NAV3: variants seen among roughly 807,000 people sequenced by gnomAD.
The protein encoded by NAV3 is pore membrane and/or filament interacting like protein 1.
In NAV3, 87 loss-of-function variants were observed where a neutral mutation model predicts 244.7. That is an observed-to-expected ratio of 0.36 (90% CI 0.30 to 0.42). NAV3 has a LOEUF of 0.42. NAV3 is among the 20% of genes least tolerant of loss of function. The probability of loss-of-function intolerance (pLI) is 1.00; values close to 1 mark genes in which losing one functional copy is unlikely to be tolerated. For synonymous variants in NAV3, 1,126 were observed against 1,042.2 expected (o/e 1.08, Z -1.55); for missense variants, 2,663 against 2,893.3 (o/e 0.92, Z 1.83).
intron 2 of NAV3, among the ~76,000 whole-genome samples, chr12:77,771,136 T>G (rs1396465688): frequency 1.3e-5 from 2 of 152,108 alleles, no homozygotes; most frequent in Non-Finnish European, 2.9e-5. Flanking sequence ...AAGAAGACAT[T>G]TATGCAGCCA....
intron 2 of NAV3, among the ~76,000 whole-genome samples, chr12:77,584,231 A>G (rs895827489): frequency 5.9e-5 from 9 of 152,182 alleles, no homozygotes; most frequent in Admixed American, 5.9e-4. Context: ...TGCCTTGCAT[A>G]TGATACGTAC....
chr12:77,683,113 CTA>C (rs931518381), intron 2 of NAV3, among the ~76,000 whole-genome samples: 6 of 151,958 alleles, frequency 3.9e-5, no homozygotes, highest in Non-Finnish European at 8.8e-5. Flanking sequence ...AGCTTTTCTT[CTA>C]TGTTTTCTTC....
chr12:77,962,634 C>A (rs747792298), intron 3 of NAV3, among the ~76,000 whole-genome samples: 11 of 152,126 alleles, frequency 7.2e-5, no homozygotes, highest in Non-Finnish European at 1.5e-5. Flanking sequence ...CCACCTGCCA[C>A]GAACCCCACC....
chr12:78,030,065 G>C (rs551937561), intron 9 of NAV3, among the ~76,000 whole-genome samples: 47 of 152,234 alleles, frequency 3.1e-4, no homozygotes, highest in African/African-American at 1.0e-3. Flanking sequence ...AAACATAGGT[G>C]AATTTTGACT....
chr12:78,124,762 C>G (rs1297254426), intron 16 of NAV3, among the ~76,000 whole-genome samples: 1 of 151,924 alleles, frequency 6.6e-6, no homozygotes, highest in African/African-American at 2.4e-5. Flanking sequence ...CTGAAATAGG[C>G]CAATTTTTAA....
intron 2 of NAV3, among the ~76,000 whole-genome samples, chr12:77,732,039 A>C (rs1286132429): frequency 2.0e-5 from 3 of 151,916 alleles, no homozygotes; most frequent in African/African-American, 7.2e-5. Context: ...TAAGGCAAAA[A>C]CAAAACAAAA....
rs1388781889 is a variant in NAV3 at position 78,179,792 on chromosome 12, AATGTAC to A, written c.5517+111_5517+116del. On this transcript the variant is annotated intron_variant, in intron 29 of 39. Transcript: ENST00000397909. ...ATTCCACTTGGAAACCCACCTTAGAAATGTACTCTGTTTATTCAGTCTTTGCAACTC... is the reference window on the plus strand; with the variant it reads ...ATTCCACTTGGAAACCCACCTTAGAATCTGTTTATTCAGTCTTTGCAACTC... 2.5e-6 allele frequency: 3 copies of A among 1,203,916 alleles called. No homozygotes were observed. In the Admixed American group the frequency reaches 7.8e-5, roughly 31 times the overall value. 74.6% of individuals were successfully genotyped at this position (1,203,916 alleles called of 1,614,324 possible).
At chr12:77,757,810 T>C (rs571264049) in intron 2 of NAV3, among the ~76,000 whole-genome samples, 2 of 152,352 alleles carry the variant, frequency 1.3e-5, no homozygotes, top group East Asian at 3.9e-4. Context: ...CCTCAGACAT[T>C]AAATTGCATA....
rs138798588 is a variant in NAV3, at chr12:78,118,197, C to G, written c.2940C>G (p.Ser980=). Residue 980 remains serine (S), a synonymous_variant, in exon 14 of 40, where the codon TCC becomes TCG. Transcript: ENST00000397909. ...CCGAGAAGGCAGGGCAGAAAGCTTCCCTGTCTGTTTCACAGACAGGTTCCT... is the reference window on the plus strand; with the variant it reads ...CCGAGAAGGCAGGGCAGAAAGCTTCGCTGTCTGTTTCACAGACAGGTTCCT... ...EDPEKAGQKA[S]LSVSQTGSWR... 6.2e-4 allele frequency: 1,004 copies of G among 1,613,648 alleles called. 4 individuals are homozygous for G. The African/African-American group carries it at 0.012, about 19-fold the overall frequency.
chr12:77,843,192 C>G (rs2136185099), intron 1 of NAV3, among the ~76,000 whole-genome samples: 1 of 152,278 alleles, frequency 6.6e-6, no homozygotes, highest in Admixed American at 6.5e-5. Context: ...TTGATATCCA[C>G]ACTTGTGTGT....
intron 5 of NAV3, among the ~76,000 whole-genome samples, chr12:77,977,692 A>ACACG (rs1433020292): frequency 8.1e-5 from 5 of 61,378 alleles, no homozygotes; most frequent in Non-Finnish European, 1.8e-4. Flanking sequence ...ATATATATAC[A>ACACG]CACACACACA....
At chr12:78,200,399 A>C (rs1461052583) in intron 37 of NAV3, 74 bp from the exon 38 acceptor site, 2 of 851,192 alleles carry the variant, frequency 2.3e-6, no homozygotes, top group Non-Finnish European at 3.4e-6. Flanking sequence ...ATTATATTCC[A>C]AAATGGTGTC....
chr12:77,660,792 T>G (rs1873406531), intron 2 of NAV3, among the ~76,000 whole-genome samples: 1 of 152,174 alleles, frequency 6.6e-6, no homozygotes, highest in African/African-American at 2.4e-5. Context: ...GGAACTAGCT[T>G]TGTCTCTATA....
intron 2 of NAV3, among the ~76,000 whole-genome samples, chr12:77,790,825 C>T (rs1871145163): frequency 6.6e-6 from 1 of 152,118 alleles, no homozygotes; most frequent in Non-Finnish European, 1.5e-5. Flanking sequence ...CAGAGCCTCT[C>T]CTCTCTCACC....
chr12:77,836,253 A>G (rs1874609274), intron 1 of NAV3, among the ~76,000 whole-genome samples: 1 of 152,174 alleles, frequency 6.6e-6, no homozygotes, highest in African/African-American at 2.4e-5. Flanking sequence ...CCTGTTCATG[A>G]AAGTTTCTTG....
chr12:78,197,149 C>G, intron 34 of NAV3, 98 bp from the exon 35 acceptor site: 1 of 862,692 alleles, frequency 1.2e-6, no homozygotes. Context: ...ATGAAAGAAA[C>G]GGAATAGAGG....
rs550603613 is a variant in NAV3, at chr12:77,662,620, C to T, written c.72+90354C>T. Among the ~76,000 whole-genome samples the T allele has an allele frequency of 6.6e-4, 101 of 152,016 alleles. No homozygotes were observed. In the Middle Eastern group the frequency reaches 0.01, roughly 15 times the overall value. On this transcript the variant is annotated intron_variant, in intron 2 of 8. Coordinates refer to the NAV3 transcript ENST00000550042. Reference sequence around the variant, plus strand: ...TGTTGGGTGAGAGAATGGATTTTTGCGTAAATTTCTCCAGAGTATTATGCT... The same window carrying T: ...TGTTGGGTGAGAGAATGGATTTTTGTGTAAATTTCTCCAGAGTATTATGCT...
At chr12:78,199,068 G>A (rs1476823698) in intron 36 of NAV3, 2 of 584,502 alleles carry the variant, frequency 3.4e-6, no homozygotes, top group Admixed American at 2.2e-5. Flanking sequence ...TCCTACAGAA[G>A]AGTGATCAGC....
intron 1 of NAV3, among the ~76,000 whole-genome samples, chr12:77,851,525 C>T (rs1877524776): frequency 8.4e-6 from 1 of 118,868 alleles, no homozygotes; most frequent in Non-Finnish European, 1.9e-5. Flanking sequence ...TCACAATGAA[C>T]TTAAAAATAT....
Sources: gnomAD v4.1 joint callset for allele counts (sites outside exome capture counted in the v4.1 genomes callset) on GRCh38, gnomAD v4.1.1 for gene constraint, MANE v1.5 for transcripts, NCBI Gene and HGNC (gene_info 2026-07-23, HGNC 2026-07-21) for gene names.